ZAN: variants seen among roughly 807,000 people sequenced by gnomAD.
ZAN encodes zonadhesin.
ZAN carries 260 observed loss-of-function variants against 286.2 expected under a neutral mutation model. The observed-to-expected ratio is 0.91, with a 90% CI of 0.82 to 1.01. ZAN has a LOEUF of 1.01. Among genes scored for constraint, ZAN ranks in the 50% least tolerant of loss-of-function variants. The pLI is 0.00. For missense variants in ZAN, 3,410 were observed against 3,639.2 expected (o/e 0.94, Z 1.62); for synonymous variants, 1,368 against 1,417.5 (o/e 0.97, Z 0.79).
chr7:100,778,072 T>A (rs1462724573), intron 34 of ZAN, among the ~76,000 whole-genome samples: 6 of 151,788 alleles, frequency 4.0e-5, no homozygotes, highest in Admixed American at 3.9e-4. Context: ...AGGCCAAGAC[T>A]GGAGGATCAC....
chr7:100,754,083 T>C (rs1808979857), intron 14 of ZAN, among the ~76,000 whole-genome samples: 1 of 152,126 alleles, frequency 6.6e-6, no homozygotes, highest in African/African-American at 2.4e-5. Flanking sequence ...ATGTGAGCCT[T>C]TGTGTTTGGC....
At position 100,748,423 on chromosome 7, in the gene ZAN, A is replaced by G; in HGVS notation, c.1202A>G (p.Asn401Ser). 1 of 1,613,950 alleles carries G rather than the reference A, an allele frequency of 6.2e-7. No individual in the cohort carries two copies. The highest frequency in any genetic ancestry group is 8.5e-7 in the Non-Finnish European group (1 of 1,179,876). The change falls in exon 11 of 48, where the codon AAT becomes AGT. Residue 401 changes from asparagine (N) to serine (S), a missense_variant. By Grantham distance (46) the Asn-to-Ser change is conservative. Around this residue, in one of 7 missense-constraint regions of ZAN, gnomAD observed 872 missense variants for 938.9 expected, o/e 0.93. Transcript: ENST00000613979. ...DGGHWALGHK[N>S]GPVHGMGPAG... The stretch of plus-strand genomic sequence containing the variant: ...GGACACTGGGCCCTCGGACATAAAA[A>G]TGGACCCGTCCATGGCATGGGCCCT...
Position 100,767,716 on chromosome 7 carries a change from C to G in ZAN, c.4861-115C>G, listed in dbSNP as rs1038384284. On this transcript the variant is annotated intron_variant, in intron 25 of 47. Coordinates refer to ENST00000613979, the MANE Select transcript of ZAN (RefSeq NM_003386.3). ...CTGATCTCGAGATCCTGGGCTCAAGCGATCCTCCGCCTCGGCCTCCCAAAG... is the reference window on the plus strand; with the variant it reads ...CTGATCTCGAGATCCTGGGCTCAAGGGATCCTCCGCCTCGGCCTCCCAAAG... The G allele has an allele frequency of 6.8e-6, 8 of 1,183,608 alleles. No homozygotes were observed. The African/African-American group carries it at 1.2e-4, about 18-fold the overall frequency. 73.3% of individuals were successfully genotyped at this position (1,183,608 alleles called of 1,614,324 possible).
At chr7:100,749,746 T>C (rs1808512312) in intron 11 of ZAN, among the ~76,000 whole-genome samples, 3 of 145,860 alleles carry the variant, frequency 2.1e-5, no homozygotes, top group Admixed American at 1.4e-4. Flanking sequence ...AAAGAAATAA[T>C]TTTTTAAAAA....
chr7:100,750,059 A>AACACACACACACACAC (rs373704697), intron 11 of ZAN, among the ~76,000 whole-genome samples: 21 of 122,302 alleles, frequency 1.7e-4, no homozygotes, highest in South Asian at 2.9e-4. Context: ...TCAAAAAAAC[A>AACACACACACACACAC]ACACACACAC....
Position 100,760,397 on chromosome 7 carries a change from G to C in ZAN, c.3703G>C (p.Gly1235Arg), listed in dbSNP as rs1422739418. ...CCTCTGCCCTGCCTTCCAGGTTGGG[G>C]GTCAGCAAGTTACTCTCCCAGCCAT... ...LLKGRRTLVG[G>R]QQVTLPAIPS... Residue 1235 changes from glycine (G) to arginine (R), a missense_variant, in exon 19 of 48, where the codon GGT becomes CGT. Physicochemically the swap from Gly to Arg is moderately radical, Grantham distance 125 (BLOSUM62 -2). Transcript: ENST00000613979. The C allele has an allele frequency of 6.2e-7, 1 of 1,613,666 alleles. No homozygotes were observed. The highest frequency in any genetic ancestry group is 1.7e-5 in the Admixed American group (1 of 59,970).
Position 100,776,489 on chromosome 7 carries a change from T to C in ZAN, c.6242T>C (p.Met2081Thr). The change falls in exon 34 of 48, where the codon ATG (methionine) becomes ACG (threonine). Residue 2081 changes from methionine (M) to threonine (T), a missense_variant. Physicochemically the swap from Met to Thr is moderately conservative, Grantham distance 81. Transcript: ENST00000613979. ...AATGATGAGGAAGAGGACGAACTAA[T>C]GATGCCCAGCGATGAAGTAGCAAAT... ...NFNDEEEDEL[M>T]MPSDEVANSD... 1 of 1,599,526 alleles carries C rather than the reference T, an allele frequency of 6.3e-7. No homozygotes were observed. Among genetic ancestry groups the C allele is most frequent in the Non-Finnish European group, 8.5e-7 (1 of 1,172,982 alleles).
At chr7:100,796,858 G>A (rs912499890) in intron 45 of ZAN, among the ~76,000 whole-genome samples, 3 of 152,234 alleles carry the variant, frequency 2.0e-5, no homozygotes, top group Non-Finnish European at 1.5e-5. Context: ...TTAAGGGAGG[G>A]CAGGCGTGGT....
intron 38 of ZAN, among the ~76,000 whole-genome samples, chr7:100,788,626 AGAG>A (rs535290693): frequency 9.2e-4 from 140 of 152,306 alleles, no homozygotes; most frequent in African/African-American, 3.2e-3. Flanking sequence ...CAAGAGGAAG[AGAG>A]GAGGAGGACA....
At chr7:100,735,422 C>T (rs1807224440) in intron 2 of ZAN, among the ~76,000 whole-genome samples, 1 of 136,488 alleles carries the variant, frequency 7.3e-6, no homozygotes, top group African/African-American at 2.7e-5. Context: ...AATAAATTAG[C>T]TGGGCGTGGT....
Position 100,775,787 on chromosome 7 carries a change from G to A in ZAN, c.6146G>A (p.Gly2049Glu). 1 of 1,613,900 alleles carries A rather than the reference G, an allele frequency of 6.2e-7. No homozygotes were observed. The highest frequency in any genetic ancestry group is 8.5e-7 in the Non-Finnish European group (1 of 1,179,890). ...IKIGVQVKFD[G>E]NHLLEIEIPT... ...ATCGGGGTGCAAGTCAAGTTTGACG[G>A]GAATCATCTCTTAGAGATTGAAATC... is the stretch of plus-strand genomic sequence containing the variant. The change falls in exon 33 of 48, where the codon GGG becomes GAG. Residue 2049 changes from glycine (G) to glutamate (E), a missense_variant. Gly to Glu is a moderately conservative substitution (Grantham distance 98). Coordinates refer to ENST00000613979, the MANE Select transcript of ZAN (RefSeq NM_003386.3).
chr7:100,793,742 C>CGA lies in ZAN; in HGVS notation c.7788-78_7788-77insGA, dbSNP rs945197397. On this transcript the variant is annotated intron_variant, in intron 42 of 47. Coordinates refer to ENST00000613979, the MANE Select transcript of ZAN (RefSeq NM_003386.3). ...TGTGAGCCACTGTGCCCAGCCTACT[C>CGA]TGAGTTTTATCGGGTGACCTTGCCC... 5.4e-6 allele frequency: 8 copies of CGA among 1,476,484 alleles called. No individual in the cohort carries two copies. In the African/African-American group the frequency reaches 9.8e-5, roughly 18 times the overall value. 91.5% of individuals were successfully genotyped at this position (1,476,484 alleles called of 1,614,324 possible). A position where few individuals can be genotyped will look rare whatever the true frequency, so the allele number is the denominator to read the frequency against.
intron 29 of ZAN, among the ~76,000 whole-genome samples, chr7:100,772,874 GT>G (rs1216759374): frequency 2.6e-3 from 319 of 121,972 alleles, no homozygotes; most frequent in Middle Eastern, 8.5e-3. Context: ...TTTTTTGTTT[GT>G]TTTTTTTTTT....
chr7:100,769,833 C>A, intron 27 of ZAN, 47 bp from the exon 28 acceptor site: 1 of 1,518,502 alleles, frequency 6.6e-7, no homozygotes. Flanking sequence ...AGGCATGAGC[C>A]ACTGCACCCA....
At chr7:100,739,200 CAG>C in intron 7 of ZAN, among the ~76,000 whole-genome samples, 1 of 134,964 alleles carries the variant, frequency 7.4e-6, no homozygotes, top group South Asian at 2.4e-4. Flanking sequence ...TTGGTACAGA[CAG>C]GGTTTCACCA....
chr7:100,735,569 G>GA (rs112964818), intron 2 of ZAN, 151 bp from the exon 3 acceptor site: 46,273 of 559,012 alleles, frequency 0.083, 7,100 homozygotes, highest in African/African-American at 0.3. Flanking sequence ...AAAAAGAAAA[G>GA]AAAAAAAGAA....
intron 7 of ZAN, among the ~76,000 whole-genome samples, chr7:100,744,674 C>T (rs1298824124): frequency 1.3e-5 from 2 of 151,350 alleles, no homozygotes; most frequent in Non-Finnish European, 2.9e-5. Flanking sequence ...CACTGAAAGC[C>T]GACCAGCCCT....
intron 35 of ZAN, among the ~76,000 whole-genome samples, chr7:100,780,423 C>T (rs1811124270): frequency 6.6e-6 from 1 of 151,914 alleles, no homozygotes; most frequent in South Asian, 2.1e-4. Flanking sequence ...CCTATAATCT[C>T]AGCAATTTGG....
intron 28 of ZAN, among the ~76,000 whole-genome samples, chr7:100,770,766 C>T (rs78389571): frequency 0.06 from 8,995 of 150,584 alleles, 1,282 homozygotes; most frequent in East Asian, 0.52. Flanking sequence ...GTAATCCTCC[C>T]GCCTCAGCCT....
Sources: allele counts gnomAD v4.1 joint callset (sites outside exome capture counted in the v4.1 genomes callset), GRCh38; gene constraint gnomAD v4.1.1; regional missense constraint gnomAD v4.1.1; transcripts MANE v1.5; gene names NCBI Gene and HGNC (gene_info 2026-07-23, HGNC 2026-07-21).